SPIN1: variants seen among roughly 807,000 people sequenced by gnomAD.
The protein encoded by SPIN1 is spindlin 1, also known as spindlin-1.
A neutral mutation model predicts 26.0 loss-of-function variants in SPIN1; 3 were observed. The ratio of observed to expected loss-of-function variants is 0.12; its 90% CI spans 0.05 to 0.30. The LOEUF is 0.30. Ranked by LOEUF, SPIN1 falls within the 10% of genes least tolerant of loss-of-function variation. The pLI is 1.00. For missense variants in SPIN1, 126 were observed against 333.4 expected (o/e 0.38, Z 4.84); for synonymous variants, 101 against 116.5 (o/e 0.87, Z 0.86).
intron 2 of SPIN1, among the ~76,000 whole-genome samples, chr9:88,433,290 C>T (rs778126839): frequency 2.0e-5 from 3 of 152,070 alleles, no homozygotes; most frequent in Non-Finnish European, 2.9e-5. Context: ...GCCATGTTGC[C>T]CAGGCTGGTC....
intron 1 of SPIN1, among the ~76,000 whole-genome samples, chr9:88,406,698 G>A (rs900079225): frequency 1.1e-4 from 17 of 152,124 alleles, no homozygotes; most frequent in Admixed American, 2.0e-4. Context: ...CTGTTAATAA[G>A]TACTTTCTGC....
chr9:88,442,917 C>A lies in SPIN1; in HGVS notation c.53-6024C>A, dbSNP rs1001946702. 1.3e-4 allele frequency among the ~76,000 whole-genome samples: 20 copies of A among 151,410 alleles called. 1 individual carries two copies. The highest frequency in any genetic ancestry group is 1.2e-3 in the Admixed American group (19 of 15,210). ...CGGGCAAATCACGAGGTCAGGAGTT[C>A]AAGACCAGCCTGACCAACATGGTGA... On this transcript the variant is annotated intron_variant, in intron 2 of 5. Transcript: ENST00000375859.
intron 5 of SPIN1, among the ~76,000 whole-genome samples, chr9:88,471,671 A>AG (rs1405542725): frequency 2.6e-5 from 4 of 151,114 alleles, no homozygotes; most frequent in Non-Finnish European, 5.9e-5. Context: ...AAAAAAAAAA[A>AG]AAAAAAAAGA....
At chr9:88,408,675 C>CTT (rs773420022) in intron 1 of SPIN1, among the ~76,000 whole-genome samples, 6 of 128,854 alleles carry the variant, frequency 4.7e-5, no homozygotes, top group South Asian at 2.5e-4. Flanking sequence ...ATGCCTGGCC[C>CTT]TTTTTTTTTT....
At chr9:88,474,612 G>A (rs1462640094) in intron 5 of SPIN1, among the ~76,000 whole-genome samples, 1 of 152,164 alleles carries the variant, frequency 6.6e-6, no homozygotes. Flanking sequence ...CATATTCTCA[G>A]TAATCCCTGT....
At chr9:88,398,535 G>A (rs1827117286) in intron 1 of SPIN1, among the ~76,000 whole-genome samples, 1 of 151,986 alleles carries the variant, frequency 6.6e-6, no homozygotes, top group African/African-American at 2.4e-5. Flanking sequence ...GTCTGCACAG[G>A]TGTTTGTCAT....
chr9:88,416,443 A>T (rs1007335716), intron 1 of SPIN1, among the ~76,000 whole-genome samples: 3 of 152,082 alleles, frequency 2.0e-5, no homozygotes, highest in African/African-American at 7.2e-5. Flanking sequence ...CTCCCACCTC[A>T]GCCTCCTGAA....
At chr9:88,395,128 A>C (rs765383914) in intron 1 of SPIN1, among the ~76,000 whole-genome samples, 3 of 151,928 alleles carry the variant, frequency 2.0e-5, no homozygotes, top group Non-Finnish European at 4.4e-5. Context: ...ATTTTTTAAC[A>C]TGTAGAACAT....
At chr9:88,409,045 G>GA (rs2117949036) in intron 1 of SPIN1, among the ~76,000 whole-genome samples, 1 of 150,108 alleles carries the variant, frequency 6.7e-6, no homozygotes, top group South Asian at 2.1e-4. Context: ...GCCCAGGCTG[G>GA]AGTGCAATGG....
At chr9:88,397,553 A>G (rs1587770670) in intron 1 of SPIN1, among the ~76,000 whole-genome samples, 1 of 151,912 alleles carries the variant, frequency 6.6e-6, no homozygotes. Context: ...GCGTGCTTGC[A>G]CATTTTCATA....
intron 1 of SPIN1, chr9:88,416,655 C>T (rs947480184): frequency 6.6e-6 from 1 of 152,050 alleles, no homozygotes; most frequent in African/African-American, 2.4e-5. Flanking sequence ...TGGAGTTTCG[C>T]TCTTGTTGCC....
intron 1 of SPIN1, among the ~76,000 whole-genome samples, chr9:88,412,399 A>C (rs1827469166): frequency 6.6e-6 from 1 of 152,050 alleles, no homozygotes; most frequent in Non-Finnish European, 1.5e-5. Flanking sequence ...GGATTGTTTA[A>C]ATTACCAGTC....
chr9:88,410,242 C>G (rs1827412567), intron 1 of SPIN1, among the ~76,000 whole-genome samples: 1 of 149,164 alleles, frequency 6.7e-6, no homozygotes, highest in African/African-American at 2.5e-5. Context: ...CAGACTATTA[C>G]ATTTAGCAAT....
chr9:88,420,899 C>T (rs1587787404), intron 1 of SPIN1, among the ~76,000 whole-genome samples: 1 of 152,288 alleles, frequency 6.6e-6, no homozygotes, highest in African/African-American at 2.4e-5. Flanking sequence ...ATTATTTTCA[C>T]AGTTCTTTGT....
chr9:88,442,898 A>G (rs1368983914), intron 2 of SPIN1, among the ~76,000 whole-genome samples: 1 of 151,664 alleles, frequency 6.6e-6, no homozygotes, highest in Non-Finnish European at 1.5e-5. Flanking sequence ...GAGGCGGGCA[A>G]ATCACGAGGT....
intron 1 of SPIN1, among the ~76,000 whole-genome samples, chr9:88,396,622 T>C (rs1344894778): frequency 6.6e-6 from 1 of 151,880 alleles, no homozygotes; most frequent in Non-Finnish European, 1.5e-5. Flanking sequence ...ACAGAAAAAC[T>C]CTAAATGGCT....
At chr9:88,472,887 A>C (rs957983172) in intron 5 of SPIN1, among the ~76,000 whole-genome samples, 1 of 152,346 alleles carries the variant, frequency 6.6e-6, no homozygotes, top group African/African-American at 2.4e-5. Flanking sequence ...CTTTTGGATA[A>C]GCTTGTTCCT....
chr9:88,408,086 A>C (rs2117943375), intron 1 of SPIN1, among the ~76,000 whole-genome samples: 1 of 150,704 alleles, frequency 6.6e-6, no homozygotes, highest in Admixed American at 6.6e-5. Context: ...TTGGTACTGC[A>C]GGCTTTATGT....
intron 1 of SPIN1, among the ~76,000 whole-genome samples, chr9:88,397,805 G>A (rs1340473668): frequency 6.7e-6 from 1 of 149,706 alleles, no homozygotes; most frequent in Non-Finnish European, 1.5e-5. Context: ...TGTATTTTTA[G>A]TAGAGACAGG....
Sources: allele counts gnomAD v4.1 joint callset (sites outside exome capture counted in the v4.1 genomes callset), GRCh38; gene constraint gnomAD v4.1.1; transcripts MANE v1.5; gene names NCBI Gene and HGNC (gene_info 2026-07-23, HGNC 2026-07-21).